Variants in RPS6KA5 observed in about 807,000 individuals in gnomAD.
The protein encoded by RPS6KA5 is ribosomal protein S6 kinase alpha-5.
In RPS6KA5, 27 loss-of-function variants were observed where a neutral mutation model predicts 85.5. The observed-to-expected ratio is 0.32, with a 90% CI of 0.23 to 0.44. The LOEUF is 0.44. RPS6KA5 is among the 20% of genes least tolerant of loss of function. The pLI is 1.00. For synonymous variants in RPS6KA5, 334 were observed against 348.2 expected (o/e 0.96, Z 0.46); for missense variants, 811 against 980.9 (o/e 0.83, Z 2.31).
At chr14:90,884,269 T>TG (rs913696672) in intron 14 of RPS6KA5, among the ~76,000 whole-genome samples, 32 of 152,230 alleles carry the variant, frequency 2.1e-4, no homozygotes, top group Admixed American at 2.0e-4. Context: ...GGGTGGGGAA[T>TG]GGGTGGCTGC....
At chr14:91,020,101 C>T (rs1393399497) in intron 1 of RPS6KA5, among the ~76,000 whole-genome samples, 1 of 152,032 alleles carries the variant, frequency 6.6e-6, no homozygotes, top group South Asian at 2.1e-4. Context: ...GTAACAACAC[C>T]GTATTATAAT....
At chr14:91,028,613 G>T (rs1327701460) in intron 1 of RPS6KA5, among the ~76,000 whole-genome samples, 1 of 151,818 alleles carries the variant, frequency 6.6e-6, no homozygotes, top group Non-Finnish European at 1.5e-5. Flanking sequence ...CTGCCTCCCA[G>T]GTTCACACCA....
In RPS6KA5 at chr14:90,864,581, C is replaced by G. The variant is rs1197251764; in HGVS notation, c.*7493G>C. 2 of 152,064 alleles carry G rather than the reference C, an allele frequency of 1.3e-5. No homozygotes were observed. Among genetic ancestry groups the G allele is most frequent in the African/African-American group, 2.4e-5 (1 of 41,386 alleles). 9.4% of individuals were successfully genotyped at this position (152,064 alleles called of 1,614,324 possible). On this transcript the variant is annotated 3_prime_UTR_variant, in exon 17 of 17. Transcript: ENST00000614987. ...AATTTTTGGTCATCAAAGGAAAGCA[C>G]TTAGAAAGTAGAAAAGCAAACTAAA...
intron 1 of RPS6KA5, among the ~76,000 whole-genome samples, chr14:91,022,266 C>A (rs190295288): frequency 1.3e-5 from 2 of 152,256 alleles, no homozygotes; most frequent in East Asian, 1.9e-4. Context: ...AGCATATAGC[C>A]AACTTACTCA....
rs1385400220 is a variant in RPS6KA5 at position 90,856,977 on chromosome 14, G to T, written c.*15097C>A. On this transcript the variant is annotated 3_prime_UTR_variant, in exon 17 of 17. Transcript: ENST00000614987. ...CTGGTAGTTCTTCAGCCATTCCAAA[G>T]GGGCTACAATTTCGAGAATACCAAG... 6.5e-6 allele frequency: 1 copy of T among 152,710 alleles called. No homozygotes were observed. The highest frequency in any genetic ancestry group is 2.4e-5 in the African/African-American group (1 of 41,444). The allele number at this position is 152,710 out of a possible 1,614,324, so 9.5% of individuals were successfully genotyped here.
At chr14:91,035,050 G>A (rs866923196) in intron 1 of RPS6KA5, among the ~76,000 whole-genome samples, 42 of 152,090 alleles carry the variant, frequency 2.8e-4, no homozygotes, top group Middle Eastern at 3.4e-3. Flanking sequence ...TAGAACACAA[G>A]GAAACAGAAT....
At chr14:90,963,790 TGAAACCCA>T (rs1384403550) in intron 3 of RPS6KA5, among the ~76,000 whole-genome samples, 4 of 152,180 alleles carry the variant, frequency 2.6e-5, no homozygotes, top group African/African-American at 7.2e-5. Flanking sequence ...TAGGATATAT[TGAAACCCA>T]GCAACCCAGA....
chr14:91,047,158 T>C (rs1175374303), intron 1 of RPS6KA5, among the ~76,000 whole-genome samples: 1 of 152,228 alleles, frequency 6.6e-6, no homozygotes, highest in Non-Finnish European at 1.5e-5. Context: ...TTTAATTATA[T>C]GTTTACCTAA....
At chr14:90,970,585 A>G (rs2039273307) in intron 3 of RPS6KA5, among the ~76,000 whole-genome samples, 1 of 152,256 alleles carries the variant, frequency 6.6e-6, no homozygotes, top group South Asian at 2.1e-4. Flanking sequence ...ACAGTCATAG[A>G]TCAGCTGGTG....
At chr14:90,973,073 A>G (rs1408475685) in intron 3 of RPS6KA5, among the ~76,000 whole-genome samples, 1 of 152,278 alleles carries the variant, frequency 6.6e-6, no homozygotes, top group African/African-American at 2.4e-5. Context: ...GTGGAGAAAC[A>G]GGCACTCTCA....
intron 1 of RPS6KA5, among the ~76,000 whole-genome samples, chr14:91,026,880 T>G (rs1205490360): frequency 6.6e-6 from 1 of 152,232 alleles, no homozygotes; most frequent in East Asian, 1.9e-4. Flanking sequence ...TGATTAGCGA[T>G]GTTGAGCATT....
chr14:90,908,672 C>T (rs1376194742), intron 7 of RPS6KA5, among the ~76,000 whole-genome samples: 1 of 152,182 alleles, frequency 6.6e-6, no homozygotes, highest in Non-Finnish European at 1.5e-5. Context: ...CATCTTTTCT[C>T]CATAAGAAAG....
chr14:90,896,441 C>T (rs931860647), intron 12 of RPS6KA5, among the ~76,000 whole-genome samples: 1 of 152,142 alleles, frequency 6.6e-6, no homozygotes, highest in Non-Finnish European at 1.5e-5. Context: ...TTGTTCATGT[C>T]CTAATGCCCA....
At chr14:91,019,848 A>G (rs149366169) in intron 1 of RPS6KA5, among the ~76,000 whole-genome samples, 228 of 152,322 alleles carry the variant, frequency 1.5e-3, no homozygotes, top group African/African-American at 4.8e-3. Context: ...GCATCACTTA[A>G]CAATGGAGAT....
chr14:90,923,287 C>A (rs1246216664), intron 5 of RPS6KA5, 91 bp from the exon 6 acceptor site: 1 of 996,572 alleles, frequency 1.0e-6, no homozygotes, highest in Non-Finnish European at 1.6e-6. Flanking sequence ...GGTTGAGATA[C>A]ACTATAGTGG....
At chr14:90,923,287 C>T (rs1246216664) in intron 5 of RPS6KA5, 91 bp from the exon 6 acceptor site, 4 of 996,456 alleles carry the variant, frequency 4.0e-6, no homozygotes, top group Admixed American at 1.8e-5. Flanking sequence ...GGTTGAGATA[C>T]ACTATAGTGG....
intron 1 of RPS6KA5, among the ~76,000 whole-genome samples, chr14:91,036,808 C>T (rs912760318): frequency 2.0e-5 from 3 of 152,140 alleles, no homozygotes; most frequent in African/African-American, 7.2e-5. Flanking sequence ...TTCAGGGTTG[C>T]CCAAGGGGAG....
At position 90,890,623 on chromosome 14, in the gene RPS6KA5, C is replaced by A; in HGVS notation, c.1700G>T (p.Gly567Val). The A allele has an allele frequency of 6.2e-7, 1 of 1,614,010 alleles. No homozygotes were observed. The change falls in exon 14 of 17, where the codon GGA (glycine) becomes GTA (valine). Residue 567 changes from glycine (G) to valine (V), a missense_variant. Coordinates refer to ENST00000614987, the MANE Select transcript of RPS6KA5 (RefSeq NM_004755.4). ...ATCCGGTGGCTTTAGCCGTGCAAAT[C>A]CAAAATCAATTATTTTAATTTCCAA... ...DNLEIKIIDF[G>V]FARLKPPDNQ...
At chr14:90,877,679 C>T (rs2033567084) in intron 14 of RPS6KA5, among the ~76,000 whole-genome samples, 1 of 152,196 alleles carries the variant, frequency 6.6e-6, no homozygotes, top group South Asian at 2.1e-4. Flanking sequence ...TTTCCACATG[C>T]TGTTTGGTCT....
Sources: allele counts gnomAD v4.1 joint callset (sites outside exome capture counted in the v4.1 genomes callset), GRCh38; gene constraint gnomAD v4.1.1; transcripts MANE v1.5; gene names NCBI Gene and HGNC (gene_info 2026-07-23, HGNC 2026-07-21).